Variants in AIFM2 observed in about 807,000 individuals in gnomAD.
AIFM2 encodes AIF family member 2, ferroptosis suppressor, also known as ferroptosis suppressor protein 1.
A neutral mutation model predicts 35.7 loss-of-function variants in AIFM2; 38 were observed. The ratio of observed to expected loss-of-function variants is 1.06; its 90% confidence interval spans 0.82 to 1.39. AIFM2 has a LOEUF of 1.39. AIFM2 is among the 40% of genes most tolerant of loss of function. The pLI is 0.00. For synonymous variants in AIFM2, 185 were observed against 203.5 expected (o/e 0.91, Z 0.77); for missense variants, 476 against 491.2 (o/e 0.97, Z 0.29).
Position 70,123,939 on chromosome 10 carries a change from T to C in AIFM2, c.146A>G (p.Asn49Ser), listed in dbSNP as rs200533003. 1.2e-5 allele frequency: 20 copies of C among 1,603,502 alleles called. No homozygotes were observed. The East Asian group carries it at 3.2e-4, about 25-fold the overall frequency. ...CACGGAGGCTCGGAGAGCAGCCACA[T>C]TGTGGTGGAAGGAGTCCTTCATGTC... ...LVDMKDSFHH[N>S]VAALRASVET... The change falls in exon 2 of 9, where the codon AAT (asparagine) becomes AGT (serine). Residue 49 changes from asparagine (N) to serine (S), a missense_variant. Physicochemically the swap from Asn to Ser is conservative, Grantham distance 46. Transcript: ENST00000307864.
chr10:70,132,211 G>T (rs1403614231), intron 1 of AIFM2, among the ~76,000 whole-genome samples: 1 of 152,212 alleles, frequency 6.6e-6, no homozygotes, highest in African/African-American at 2.4e-5. Context: ...GCTTCGGGAA[G>T]GGAGAAGCAG....
chr10:70,122,132 G>A (rs2072516391), intron 3 of AIFM2, among the ~76,000 whole-genome samples: 1 of 152,024 alleles, frequency 6.6e-6, no homozygotes, highest in Non-Finnish European at 1.5e-5. Context: ...TAAAAAAATT[G>A]TAAACAAAGA....
Position 70,115,098 on chromosome 10 carries a change from A to G in AIFM2, c.792T>C (p.Gly264=). 6.2e-7 allele frequency: 1 copy of G among 1,613,904 alleles called. No homozygotes were observed. Among genetic ancestry groups the G allele is most frequent in the Non-Finnish European group, 8.5e-7 (1 of 1,179,894 alleles). The change falls in exon 8 of 9, where the codon GGT becomes GGC. Residue 264 remains glycine (G), a synonymous_variant. Coordinates refer to ENST00000307864, the MANE Select transcript of AIFM2 (RefSeq NM_032797.6). ...GGAGGTGCTCGTTCACTCTCAGAGC[A>G]CCACTGCTGGCTAGTCTGCTCTCTG... ...KAFESRLASS[G]ALRVNEHLQV... is the part of the protein sequence containing the mutation.
chr10:70,123,924 C>A lies in AIFM2; in HGVS notation c.161G>T (p.Arg54Leu). 6.3e-7 allele frequency: 1 copy of A among 1,592,400 alleles called. No individual in the cohort carries two copies. Among genetic ancestry groups the A allele is most frequent in the East Asian group, 2.3e-5 (1 of 44,152 alleles). Residue 54 changes from arginine to leucine, a missense_variant, in exon 2 of 9, where the codon CGA becomes CTA. Arg to Leu is a moderately radical substitution (Grantham distance 102). Transcript: ENST00000307864. ...CACATTACCTGTCTCCACGGAGGCT[C>A]GGAGAGCAGCCACATTGTGGTGGAA... is the stretch of plus-strand genomic sequence containing the variant. ...DSFHHNVAALRASVETGFAKK... is the reference protein window; with the variant it reads ...DSFHHNVAALLASVETGFAKK...
chr10:70,126,599 T>C (rs895811123), intron 1 of AIFM2, among the ~76,000 whole-genome samples: 5 of 152,004 alleles, frequency 3.3e-5, no homozygotes, highest in African/African-American at 9.7e-5. Context: ...CAACCAGCTA[T>C]AATATCCTGA....
intron 1 of AIFM2, among the ~76,000 whole-genome samples, chr10:70,127,782 G>C (rs1230298235): frequency 6.6e-6 from 1 of 152,246 alleles, no homozygotes; most frequent in Admixed American, 6.5e-5. Flanking sequence ...GGGGTTCCCT[G>C]TGAAGGGCCT....
At chr10:70,115,728 T>C (rs1215714601) in intron 7 of AIFM2, among the ~76,000 whole-genome samples, 1 of 152,168 alleles carries the variant, frequency 6.6e-6, no homozygotes, top group Non-Finnish European at 1.5e-5. Context: ...ATCACGCCAC[T>C]GCACTCCAGC....
chr10:70,115,003 T>C lies in AIFM2; in HGVS notation c.887A>G (p.Tyr296Cys), dbSNP rs2072419770. The C allele has an allele frequency of 1.2e-6, 2 of 1,614,210 alleles. No individual in the cohort carries two copies. Among genetic ancestry groups the C allele is most frequent in the Non-Finnish European group, 1.7e-6 (2 of 1,180,032 alleles). The change falls in exon 8 of 9, where the codon TAT becomes TGT. Residue 296 changes from tyrosine (Y) to cysteine (C), a missense_variant. Tyr to Cys is a radical substitution (Grantham distance 194). Transcript: ENST00000307864. ...CADVRTPKMAYLAGLHANIAV... is the reference protein window; with the variant it reads ...CADVRTPKMACLAGLHANIAV... ...GATGTTGGCGTGGAGGCCGGCAAGATAGGCCATCTTGGGCGTCCTCACGTC... is the reference window on the plus strand; with the variant it reads ...GATGTTGGCGTGGAGGCCGGCAAGACAGGCCATCTTGGGCGTCCTCACGTC...
chr10:70,132,678 CGG>C (rs1440172540), intron 1 of AIFM2, 54 bp downstream of exon 1: 1 of 152,208 alleles, frequency 6.6e-6, no homozygotes, highest in Non-Finnish European at 1.5e-5. Context: ...TTCCGGGTCC[CGG>C]TCCCGCCCGG....
At position 70,116,810 on chromosome 10, in the gene AIFM2, A is replaced by T; in HGVS notation, c.617-36T>A. On this transcript the variant is annotated intron_variant, in intron 6 of 8. Coordinates refer to ENST00000307864, the MANE Select transcript of AIFM2 (RefSeq NM_032797.6). Reference sequence around the variant, plus strand: ...GTTCATGACCAGGAGGCTGGTGGGGACAGGGACCCCATCAAGCCTGGACCC... The same window carrying T: ...GTTCATGACCAGGAGGCTGGTGGGGTCAGGGACCCCATCAAGCCTGGACCC... 3 of 1,610,034 alleles carry T rather than the reference A, an allele frequency of 1.9e-6. No individual in the cohort carries two copies. The South Asian group carries it at 3.3e-5, about 18-fold the overall frequency.
intron 1 of AIFM2, among the ~76,000 whole-genome samples, chr10:70,129,107 T>C (rs192432265): frequency 7.3e-5 from 11 of 150,864 alleles, no homozygotes; most frequent in African/African-American, 2.7e-4. Flanking sequence ...ATTATAACCT[T>C]GAACTCCTGA....
rs898850991 is a variant in AIFM2, at chr10:70,117,282, C to A, written c.617-508G>T. Among the ~76,000 whole-genome samples, 1 of 152,218 alleles carries A rather than the reference C, an allele frequency of 6.6e-6. No homozygotes were observed. Among genetic ancestry groups the A allele is most frequent in the Admixed American group, 6.5e-5 (1 of 15,290 alleles). On this transcript the variant is annotated intron_variant, in intron 6 of 8. Coordinates refer to ENST00000307864, the MANE Select transcript of AIFM2 (RefSeq NM_032797.6). This position sits in a 1 kb window ranked among gnomAD's most constrained non-coding sequence, Gnocchi z 4.7. ...TCACAGGACAGGTGCCTCACCCTCC[C>A]GCAAACAGTGAGGGGGCTGGGGCCC...
At position 70,123,509 on chromosome 10, in the gene AIFM2, T is replaced by A; in HGVS notation, c.190A>T (p.Lys64Ter). ...GTCACCGAGTAAGAAATGAATGTCTTTTTGGCGAACCCTGGGGAAGGGACA... is the reference window on the plus strand; with the variant it reads ...GTCACCGAGTAAGAAATGAATGTCTATTTGGCGAACCCTGGGGAAGGGACA... ...RASVETGFAK[K>*]TFISYSVTFK... Residue 64 changes from lysine (K) to a stop codon, truncating the protein, a stop_gained, in exon 3 of 9, where the codon AAG becomes TAG. Coordinates refer to ENST00000307864, the MANE Select transcript of AIFM2 (RefSeq NM_032797.6). LOFTEE classifies it high-confidence loss of function. The A allele has an allele frequency of 1.9e-6, 3 of 1,614,060 alleles. No homozygotes were observed. Among genetic ancestry groups the A allele is most frequent in the Non-Finnish European group, 2.5e-6 (3 of 1,179,982 alleles).
At chr10:70,116,556 C>A (rs2072437965) in intron 7 of AIFM2, 66 bp downstream of exon 7, 41 of 1,595,782 alleles carry the variant, frequency 2.6e-5, no homozygotes, top group Non-Finnish European at 3.3e-5. Flanking sequence ...GCAAGCACTG[C>A]AGGGCATTCA....
Position 70,114,211 on chromosome 10 carries a change from C to G in AIFM2, c.1089G>C (p.Thr363=). ...LTKSRDLFVS[T]SWKTMRQSPP ...GAGACTGCCTCATGGTTTTCCAGCT[C>G]GTAGAGACGAACAGGTCCCGGCTCT... The change falls in exon 9 of 9, where the codon ACG becomes ACC. Residue 363 remains threonine (T), a synonymous_variant. Coordinates refer to ENST00000307864, the MANE Select transcript of AIFM2 (RefSeq NM_032797.6). 1 of 1,613,726 alleles carries G rather than the reference C, an allele frequency of 6.2e-7. No individual in the cohort carries two copies. Among genetic ancestry groups the G allele is most frequent in the Non-Finnish European group, 8.5e-7 (1 of 1,179,950 alleles).
chr10:70,124,852 ATTAGCAGG>A (rs1434776777), intron 1 of AIFM2, among the ~76,000 whole-genome samples: 1 of 152,234 alleles, frequency 6.6e-6, no homozygotes, highest in African/African-American at 2.4e-5. Flanking sequence ...AAGGAGGTCA[ATTAGCAGG>A]TTACGACAAG....
At position 70,131,570 on chromosome 10, in the gene AIFM2, C is replaced by T. The variant is rs76472206; in HGVS notation, c.-14+1164G>A. The stretch of plus-strand genomic sequence containing the variant: ...TTCACTCCCGCACAGAAAACCTAGG[C>T]CAAGCAATTTGTCCATCCTCCTCAG... On this transcript the variant is annotated intron_variant, in intron 1 of 8. Transcript: ENST00000307864. The surrounding 1 kb of genome is among the most constrained non-coding windows in gnomAD (Gnocchi z 4.1). Among the ~76,000 whole-genome samples the T allele has an allele frequency of 9.3e-3, 1,411 of 152,330 alleles. 13 individuals are homozygous for T. The highest frequency in any genetic ancestry group is 0.032 in the African/African-American group (1,316 of 41,566).
chr10:70,126,085 C>A (rs2072562513), intron 1 of AIFM2, among the ~76,000 whole-genome samples: 1 of 152,188 alleles, frequency 6.6e-6, no homozygotes, highest in East Asian at 1.9e-4. Flanking sequence ...CAGCAGAACC[C>A]CAAATTAGGA....
intron 3 of AIFM2, among the ~76,000 whole-genome samples, chr10:70,122,523 C>A (rs1031408527): frequency 7.2e-5 from 11 of 152,254 alleles, no homozygotes; most frequent in Non-Finnish European, 1.6e-4. Flanking sequence ...GAGCTGAAGT[C>A]ATGGCAGGTG....
Sources: allele counts gnomAD v4.1 joint callset (sites outside exome capture counted in the v4.1 genomes callset), GRCh38; gene constraint gnomAD v4.1.1; non-coding constraint Gnocchi (gnomAD v3.1); transcripts MANE v1.5; gene names NCBI Gene and HGNC (gene_info 2026-07-23, HGNC 2026-07-21).